Variants in PWWP3A observed in about 807,000 individuals in gnomAD.
PWWP3A encodes PWWP domain containing 3A, DNA repair factor.
A neutral mutation model predicts 79.0 loss-of-function variants in PWWP3A; 53 were observed. The observed-to-expected ratio is 0.67, with a 90% CI of 0.54 to 0.84. The LOEUF (loss-of-function observed/expected upper bound fraction) is 0.84. Ranked by LOEUF, PWWP3A falls within the 40% of genes least tolerant of loss-of-function variation. The pLI, the probability that PWWP3A is intolerant of heterozygous loss-of-function variation, is 0.00. For missense variants in PWWP3A, 973 were observed against 948.0 expected (o/e 1.03, Z -0.35); for synonymous variants, 443 against 394.4 (o/e 1.12, Z -1.46).
chr19:1,366,226 CAT>C (rs2082125698), intron 7 of PWWP3A, 77 bp from the exon 8 acceptor site: 7 of 1,423,142 alleles, frequency 4.9e-6, no homozygotes, highest in African/African-American at 1.4e-5. Context: ...TTAGATGTAT[CAT>C]GTGATGTCAC....
At chr19:1,356,556 C>A in intron 2 of PWWP3A, 107 bp downstream of exon 2, 1 of 1,105,836 alleles carries the variant, frequency 9.0e-7, no homozygotes, top group Non-Finnish European at 1.3e-6. Context: ...AATAATTGAG[C>A]CAGAACACGG....
intron 3 of PWWP3A, chr19:1,357,679 A>G (rs1387168911): frequency 6.6e-6 from 1 of 151,180 alleles, no homozygotes; most frequent in Non-Finnish European, 1.5e-5. Flanking sequence ...CGCCCCAGTC[A>G]GTCCTGCGTG....
intron 7 of PWWP3A, 35 bp from the exon 8 acceptor site, chr19:1,366,265 CTTTTG>C (rs765014753): frequency 1.6e-5 from 25 of 1,595,464 alleles, no homozygotes; most frequent in East Asian, 2.2e-5. Flanking sequence ...TCCACGATCT[CTTTTG>C]TTTTGACGTT....
rs1353493940 is a variant in PWWP3A at position 1,369,724 on chromosome 19, T to C, written c.1549+78T>C. 10 of 1,501,588 alleles carry C rather than the reference T, an allele frequency of 6.7e-6. No homozygotes were observed. The highest frequency in any genetic ancestry group is 9.3e-6 in the Non-Finnish European group (10 of 1,077,506). 93.0% of individuals were successfully genotyped at this position (1,501,588 alleles called of 1,614,324 possible). On this transcript the variant is annotated intron_variant, in intron 11 of 13. Coordinates refer to ENST00000591337, the MANE Select transcript of PWWP3A (RefSeq NM_001369789.1). This position sits in a 1 kb window ranked among gnomAD's most constrained non-coding sequence, Gnocchi z 4.0. ...AAAAACAATCTTCTATGTCTGAAGCTGTGGAAGGGGACGTTGGGGTCAAGG... is the reference window on the plus strand; with the variant it reads ...AAAAACAATCTTCTATGTCTGAAGCCGTGGAAGGGGACGTTGGGGTCAAGG...
At position 1,361,039 on chromosome 19, in the gene PWWP3A, G is replaced by GT. The variant is rs765173842; in HGVS notation, c.1111+10dup. 4 of 1,425,144 alleles carry GT rather than the reference G, an allele frequency of 2.8e-6. No individual in the cohort carries two copies. In the African/African-American group the frequency reaches 5.9e-5, roughly 21 times the overall value. 88.3% of individuals were successfully genotyped at this position (1,425,144 alleles called of 1,614,324 possible). On this transcript the variant is annotated splice_region_variant and intron_variant, in intron 5 of 13. Coordinates refer to ENST00000591337, the MANE Select transcript of PWWP3A (RefSeq NM_001369789.1). ...TCCCAGAAGCTGGAGAAAGGTAAAA[G>GT]TTTCTCGTGGAGGAGGAGAGCGCAG...
In PWWP3A at chr19:1,369,472, T is replaced by G. The variant is rs961488698; in HGVS notation, c.1499-124T>G. The stretch of plus-strand genomic sequence containing the variant: ...GTGGGCCTGGGGCATTCCCTGTGGG[T>G]GGGCTGGGGTTCTGGCCTGGCCTGA... On this transcript the variant is annotated intron_variant, in intron 10 of 13. Coordinates refer to ENST00000591337, the MANE Select transcript of PWWP3A (RefSeq NM_001369789.1). The surrounding 1 kb of genome is among the most constrained non-coding windows in gnomAD (Gnocchi z 4.0). 2.2e-5 allele frequency: 32 copies of G among 1,481,108 alleles called. No homozygotes were observed. In the Admixed American group the frequency reaches 2.4e-4, roughly 11 times the overall value. 91.7% of individuals were successfully genotyped at this position (1,481,108 alleles called of 1,614,324 possible). A position where few individuals can be genotyped will look rare whatever the true frequency, so the allele number is the denominator to read the frequency against.
intron 4 of PWWP3A, chr19:1,358,714 T>C (rs186921579): frequency 3.1e-5 from 47 of 1,501,724 alleles, no homozygotes; most frequent in East Asian, 2.1e-4. Flanking sequence ...AGCATCAAGG[T>C]CATCTCGTAC....
intron 13 of PWWP3A, among the ~76,000 whole-genome samples, chr19:1,375,212 A>G (rs1461308229): frequency 7.6e-6 from 1 of 132,358 alleles, no homozygotes; most frequent in Non-Finnish European, 1.7e-5. Flanking sequence ...ACAGAGCGAG[A>G]CTCCGTTTCA....
At position 1,362,371 on chromosome 19, in the gene PWWP3A, C is replaced by G. The variant is rs768651058; in HGVS notation, c.1213+20C>G. 12 of 1,600,150 alleles carry G rather than the reference C, an allele frequency of 7.5e-6. No homozygotes were observed. Among genetic ancestry groups the G allele is most frequent in the Non-Finnish European group, 9.4e-6 (11 of 1,169,312 alleles). ...ACCACGGTAAGAAATGATCAGGGGG[C>G]GCCGGCAGTCCTAACGGTGCGCTCA... On this transcript the variant is annotated intron_variant, in intron 6 of 13. Coordinates refer to ENST00000591337, the MANE Select transcript of PWWP3A (RefSeq NM_001369789.1).
At chr19:1,370,309 G>A (rs1308232416) in intron 11 of PWWP3A, among the ~76,000 whole-genome samples, 3 of 152,192 alleles carry the variant, frequency 2.0e-5, no homozygotes, top group African/African-American at 7.2e-5. Context: ...TTCCTTTATC[G>A]ACAGTAGTGG....
chr19:1,371,072 G>A lies in PWWP3A; in HGVS notation c.1980G>A (p.Leu660=). 6.4e-7 allele frequency: 1 copy of A among 1,561,860 alleles called. No homozygotes were observed. The highest frequency in any genetic ancestry group is 1.4e-5 in the African/African-American group (1 of 73,804). ...TCCGGTTCATTCTGGACGTGCTTCT[G>A]CCCGAGGTGAGCCGCGGACCGGCGT... The part of the protein sequence containing the change: ...DRIRFILDVL[L]PEAIICAISA... Residue 660 remains leucine, a synonymous_variant, in exon 12 of 14, where the codon CTG becomes CTA. Transcript: ENST00000591337.
chr19:1,362,004 C>T (rs767747277), intron 5 of PWWP3A: 6 of 347,184 alleles, frequency 1.7e-5, no homozygotes, highest in South Asian at 4.0e-5. Context: ...GCTTACGGCC[C>T]GCCTTCCCTT....
intron 11 of PWWP3A, among the ~76,000 whole-genome samples, 184 bp from the exon 12 acceptor site, chr19:1,370,458 G>A (rs545549219): frequency 2.6e-4 from 40 of 152,260 alleles, no homozygotes; most frequent in African/African-American, 8.7e-4. Context: ...GGGAAAGGCC[G>A]GGGGTCCCAG....
At chr19:1,364,837 G>A (rs956369037) in intron 7 of PWWP3A, among the ~76,000 whole-genome samples, 8 of 152,258 alleles carry the variant, frequency 5.3e-5, no homozygotes, top group South Asian at 2.1e-4. Flanking sequence ...AAATATTTGC[G>A]GCCGGGTGCA....
Position 1,360,241 on chromosome 19 carries a change from A to C in PWWP3A, c.320A>C (p.Glu107Ala). The stretch of plus-strand genomic sequence containing the variant: ...AGCGAGGGCTCGATTTGGAGTCAAG[A>C]AAGCTCTGCAGGGACAGGTAGAGCT... ...VLSEGSIWSQESSAGTGRADR... is the reference protein window; with the variant it reads ...VLSEGSIWSQASSAGTGRADR... The change falls in exon 5 of 14, where the codon GAA becomes GCA. Residue 107 changes from glutamate to alanine, a missense_variant. By Grantham distance (107) the Glu-to-Ala change is moderately radical. Transcript: ENST00000591337. This position sits in a 1 kb window ranked among gnomAD's most constrained non-coding sequence, Gnocchi z 4.4. 6.2e-7 allele frequency: 1 copy of C among 1,614,052 alleles called. No homozygotes were observed. Among genetic ancestry groups the C allele is most frequent in the Non-Finnish European group, 8.5e-7 (1 of 1,179,970 alleles).
intron 6 of PWWP3A, among the ~76,000 whole-genome samples, chr19:1,363,678 G>A (rs563653214): frequency 1.2e-4 from 19 of 152,276 alleles, no homozygotes; most frequent in African/African-American, 3.9e-4. Flanking sequence ...TTCCCTGACC[G>A]GCCTCTGAAT....
Position 1,360,735 on chromosome 19 carries a change from G to A in PWWP3A, c.814G>A (p.Asp272Asn), listed in dbSNP as rs935123510. The change falls in exon 5 of 14, where the codon GAC becomes AAC. Residue 272 changes from aspartate (D) to asparagine (N), a missense_variant. Coordinates refer to ENST00000591337, the MANE Select transcript of PWWP3A (RefSeq NM_001369789.1). This position sits in a 1 kb window ranked among gnomAD's most constrained non-coding sequence, Gnocchi z 4.4. ...TCCCTGTGCCAACGCTGAGGGACAC[G>A]ACCCCGGTCTGCCGTTGGGCAGCCT... ...DDPCANAEGH[D>N]PGLPLGSLTA... 1.6e-5 allele frequency: 26 copies of A among 1,612,698 alleles called. No individual in the cohort carries two copies. The highest frequency in any genetic ancestry group is 1.9e-5 in the Non-Finnish European group (23 of 1,179,738).
At position 1,375,804 on chromosome 19, in the gene PWWP3A, T is replaced by G. The variant is rs1387384754; in HGVS notation, c.2076-715T>G. Among the ~76,000 whole-genome samples, 10 of 65,308 alleles carry G rather than the reference T, an allele frequency of 1.5e-4. No homozygotes were observed. The South Asian group carries it at 1.6e-3, about 11-fold the overall frequency. The allele number at this position is 65,308 out of a possible 152,430, so 42.8% of individuals were successfully genotyped here. A position where few individuals can be genotyped will look rare whatever the true frequency, so the allele number is the denominator to read the frequency against. ...GACATACACACACACACATATGTAT[T>G]TATTTATTTTTTTTTTTTTGAGACA... On this transcript the variant is annotated intron_variant, in intron 13 of 13. Coordinates refer to ENST00000591337, the MANE Select transcript of PWWP3A (RefSeq NM_001369789.1).
In PWWP3A at chr19:1,375,507, A is replaced by ATT. The variant is rs1568964874; in HGVS notation, c.2076-1011_2076-1010insTT. Among the ~76,000 whole-genome samples, 3 of 126,036 alleles carry ATT rather than the reference A, an allele frequency of 2.4e-5. No homozygotes were observed. The Admixed American group carries it at 2.9e-4, about 12-fold the overall frequency. The allele number at this position is 126,036 out of a possible 152,430, so 82.7% of individuals were successfully genotyped here. A position where few individuals can be genotyped will look rare whatever the true frequency, so the allele number is the denominator to read the frequency against. On this transcript the variant is annotated intron_variant, in intron 13 of 13. Coordinates refer to ENST00000591337, the MANE Select transcript of PWWP3A (RefSeq NM_001369789.1). Reference sequence around the variant, plus strand: ...TATATAAAATATATAAATTTTATATATAATATATAAAATCATATAATTTAT... The same window carrying ATT: ...TATATAAAATATATAAATTTTATATATTTAATATATAAAATCATATAATTTAT...
Sources: allele counts gnomAD v4.1 joint callset (sites outside exome capture counted in the v4.1 genomes callset), GRCh38; gene constraint gnomAD v4.1.1; non-coding constraint Gnocchi (gnomAD v3.1); transcripts MANE v1.5; gene names NCBI Gene and HGNC (gene_info 2026-07-23, HGNC 2026-07-21).